RUVBL2: variants seen among roughly 807,000 people sequenced by gnomAD.
RUVBL2 encodes the protein ruvB-like 2.
Under a neutral mutation model 57.9 loss-of-function variants are expected in RUVBL2, and 9 were observed. That is an observed-to-expected ratio of 0.16 (90% CI 0.09 to 0.27). RUVBL2 has a LOEUF of 0.27. Among genes scored for constraint, RUVBL2 ranks in the 10% least tolerant of loss-of-function variants. The probability of loss-of-function intolerance (pLI) is 1.00; values close to 1 mark genes in which losing one functional copy is unlikely to be tolerated. For synonymous variants in RUVBL2, 278 were observed against 264.6 expected, an observed-to-expected ratio of 1.05 and a Z score of -0.49; for missense variants, 456 against 669.6, an observed-to-expected ratio of 0.68 and a Z score of 3.52.
intron 12 of RUVBL2, 29 bp from the exon 13 acceptor site, chr19:49,014,992 G>A (rs1317828404): frequency 6.3e-7 from 1 of 1,577,282 alleles, no homozygotes; most frequent in Non-Finnish European, 8.6e-7. Flanking sequence ...GGCCCCGGCT[G>A]AGCCACCCCT....
chr19:49,011,371 G>A lies in RUVBL2; in HGVS notation c.1001+61G>A. On this transcript the variant is annotated intron_variant, in intron 11 of 14. Transcript: ENST00000595090. The surrounding 1 kb of genome is among the most constrained non-coding windows in gnomAD (Gnocchi z 4.4). ...ATGCTCTGGGCAGTGGGTGTGGTCAGAGGGTCAATGGGAGCCTGTGTTGAC... is the reference window on the plus strand; with the variant it reads ...ATGCTCTGGGCAGTGGGTGTGGTCAAAGGGTCAATGGGAGCCTGTGTTGAC... 7.5e-7 allele frequency: 1 copy of A among 1,329,568 alleles called. No individual in the cohort carries two copies. Among genetic ancestry groups the A allele is most frequent in the Non-Finnish European group, 1.1e-6 (1 of 926,698 alleles). 82.4% of individuals were successfully genotyped at this position (1,329,568 alleles called of 1,614,324 possible).
rs371113905 is a variant in RUVBL2 at position 49,004,405 on chromosome 19, G to A, written c.252G>A (p.Thr84=). Residue 84 remains threonine (T), a synonymous_variant, in exon 4 of 15, where the codon ACG becomes ACA. Coordinates refer to ENST00000595090, the MANE Select transcript of RUVBL2 (RefSeq NM_006666.3). The stretch of plus-strand genomic sequence containing the variant: ...CTGGCCAGCCGGGCACGGGGAAGAC[G>A]GCCATCGCCATGGGTAAGAAACCTC... ...LIAGQPGTGK[T]AIAMGMAQAL... 274 of 1,612,640 alleles carry A rather than the reference G, an allele frequency of 1.7e-4. 1 individual carries two copies. The African/African-American group carries it at 2.1e-3, about 12-fold the overall frequency.
At chr19:48,995,919 G>C (rs934540297) in intron 1 of RUVBL2, among the ~76,000 whole-genome samples, 1 of 150,710 alleles carries the variant, frequency 6.6e-6, no homozygotes, top group Non-Finnish European at 1.5e-5. Flanking sequence ...CCCGGGAGGC[G>C]AAGGTTGCAG....
Position 49,011,392 on chromosome 19 carries a change from T to A in RUVBL2, c.1001+82T>A. The A allele has an allele frequency of 1.8e-6, 2 of 1,135,932 alleles. No individual in the cohort carries two copies. The highest frequency in any genetic ancestry group is 2.6e-6 in the Non-Finnish European group (2 of 756,876). The allele number at this position is 1,135,932 out of a possible 1,614,324, so 70.4% of individuals were successfully genotyped here. A position where few individuals can be genotyped will look rare whatever the true frequency, so the allele number is the denominator to read the frequency against. On this transcript the variant is annotated intron_variant, in intron 11 of 14. Coordinates refer to ENST00000595090, the MANE Select transcript of RUVBL2 (RefSeq NM_006666.3). The surrounding 1 kb of genome is among the most constrained non-coding windows in gnomAD (Gnocchi z 4.4). ...GTCAGAGGGTCAATGGGAGCCTGTG[T>A]TGACACCGGGTCAGGGAGGGACGCG...
intron 1 of RUVBL2, among the ~76,000 whole-genome samples, chr19:48,998,743 C>G (rs562529139): frequency 5.3e-5 from 8 of 149,684 alleles, no homozygotes; most frequent in African/African-American, 1.2e-4. Flanking sequence ...ATGGGGAGGA[C>G]TTAGCCGGGC....
chr19:49,010,953 C>T, intron 9 of RUVBL2, 46 bp from the exon 10 acceptor site: 1 of 1,537,828 alleles, frequency 6.5e-7, no homozygotes, highest in Non-Finnish European at 8.9e-7. Context: ...GGCCCTGGAA[C>T]CCGCCTCCTC....
At chr19:48,995,020 G>C (rs1321256869) in intron 1 of RUVBL2, 1 of 152,238 alleles carries the variant, frequency 6.6e-6, no homozygotes, top group Non-Finnish European at 1.5e-5. Context: ...AGGAAGGGAG[G>C]GGGAGAAAGT....
chr19:49,015,710 G>C (rs753788948), intron 14 of RUVBL2, 24 bp downstream of exon 14: 1 of 1,611,406 alleles, frequency 6.2e-7, no homozygotes, highest in East Asian at 2.2e-5. Flanking sequence ...CCCCGCACCT[G>C]CACTGCCAGA....
At chr19:49,003,411 T>G (rs1600176997) in intron 3 of RUVBL2, 77 bp downstream of exon 3, 1 of 1,341,840 alleles carries the variant, frequency 7.5e-7, no homozygotes, top group Non-Finnish European at 1.1e-6. Flanking sequence ...TCCTGGGGAG[T>G]GTGGGGACTA....
intron 1 of RUVBL2, among the ~76,000 whole-genome samples, chr19:48,996,502 CTGTGTGTGTGTGTG>C (rs72341497): frequency 3.0e-4 from 41 of 138,248 alleles, no homozygotes; most frequent in African/African-American, 9.5e-4. Context: ...ATTTTTGTAT[CTGTGTGTGTGTGTG>C]TGTGTGTGTG....
chr19:49,013,956 G>A (rs7256033), intron 11 of RUVBL2, among the ~76,000 whole-genome samples: 102,933 of 152,160 alleles, frequency 0.68, 36,523 homozygotes, highest in African/African-American at 0.9. Flanking sequence ...ATGAAAATAC[G>A]CATAGACCCA....
chr19:49,015,615 T>G lies in RUVBL2; in HGVS notation c.1295T>G (p.Leu432Arg). 6.2e-7 allele frequency: 1 copy of G among 1,614,078 alleles called. No individual in the cohort carries two copies. The highest frequency in any genetic ancestry group is 8.5e-7 in the Non-Finnish European group (1 of 1,180,002). Residue 432 changes from leucine to arginine, a missense_variant, in exon 14 of 15, where the codon CTC becomes CGC. By Grantham distance (102) the Leu-to-Arg change is moderately radical (BLOSUM62 -2). This residue lies in a region of RUVBL2 where 67 missense variants were observed against 71.5 expected (regional missense o/e 0.94). Transcript: ENST00000595090. ...QVDDIKRVYS[L>R]FLDESRSTQY... Reference sequence around the variant, plus strand: ...GATGACATCAAGCGGGTCTACTCACTCTTCCTGGACGAGTCCCGCTCCACG... The same window carrying G: ...GATGACATCAAGCGGGTCTACTCACGCTTCCTGGACGAGTCCCGCTCCACG...
intron 2 of RUVBL2, 109 bp from the exon 3 acceptor site, chr19:49,003,170 A>AAAAC: frequency 4.2e-6 from 3 of 712,406 alleles, no homozygotes; most frequent in Non-Finnish European, 5.0e-6. Flanking sequence ...CCTGCTCCCT[A>AAAAC]CTCCCACCCA....
rs948940166 is a variant in RUVBL2, at chr19:49,011,371, G to T, written c.1001+61G>T. On this transcript the variant is annotated intron_variant, in intron 11 of 14. Coordinates refer to ENST00000595090, the MANE Select transcript of RUVBL2 (RefSeq NM_006666.3). This position sits in a 1 kb window ranked among gnomAD's most constrained non-coding sequence, Gnocchi z 4.4. ...ATGCTCTGGGCAGTGGGTGTGGTCA[G>T]AGGGTCAATGGGAGCCTGTGTTGAC... 4 of 1,329,450 alleles carry T rather than the reference G, an allele frequency of 3.0e-6. No homozygotes were observed. The African/African-American group carries it at 4.3e-5, about 14-fold the overall frequency. 82.4% of individuals were successfully genotyped at this position (1,329,450 alleles called of 1,614,324 possible). A position where few individuals can be genotyped will look rare whatever the true frequency, so the allele number is the denominator to read the frequency against.
chr19:49,014,706 C>T, intron 12 of RUVBL2, 103 bp downstream of exon 12: 3 of 1,474,238 alleles, frequency 2.0e-6, no homozygotes, highest in Non-Finnish European at 2.8e-6. Context: ...GGTGGCTGGG[C>T]CTACAGGAGA....
chr19:48,997,873 G>GGT (rs1229934320), intron 1 of RUVBL2, among the ~76,000 whole-genome samples: 4 of 152,140 alleles, frequency 2.6e-5, no homozygotes, highest in Non-Finnish European at 5.9e-5. Flanking sequence ...TCCCCCATGT[G>GGT]AGAAGGGGTG....
chr19:49,006,546 G>A (rs1285061076), intron 4 of RUVBL2, among the ~76,000 whole-genome samples: 4 of 152,218 alleles, frequency 2.6e-5, no homozygotes, highest in Admixed American at 2.6e-4. Context: ...TGAGGCTCAG[G>A]GAGCAGTTCA....
At chr19:49,015,984 G>C (rs184781114), downstream of RUVBL2, 50 of 1,614,236 alleles carry the variant, frequency 3.1e-5, no homozygotes, top group East Asian at 1.1e-3. Flanking sequence ...CCAGAGTGCG[G>C]ATTGAGAAGC....
At chr19:49,004,115 C>CA (rs74182026) in intron 3 of RUVBL2, 162 bp from the exon 4 acceptor site, 66,061 of 282,822 alleles carry the variant, frequency 0.23, 7,189 homozygotes, top group African/African-American at 0.43. Flanking sequence ...GATCTTGTCT[C>CA]AAAAAAAAAA....
Sources: allele counts gnomAD v4.1 joint callset (sites outside exome capture counted in the v4.1 genomes callset), GRCh38; gene constraint gnomAD v4.1.1; regional missense constraint gnomAD v4.1.1; non-coding constraint Gnocchi (gnomAD v3.1); transcripts MANE v1.5; gene names NCBI Gene and HGNC (gene_info 2026-07-23, HGNC 2026-07-21).